The following EML1 variants were observed in gnomAD, a reference collection of about 807,000 sequenced individuals.
The protein encoded by EML1 is EMAP like 1, also known as echinoderm microtubule-associated protein-like 1.
Under a neutral mutation model 110.4 loss-of-function variants are expected in EML1, and 27 were observed. That is an observed-to-expected ratio of 0.24 (90% CI 0.18 to 0.34). The LOEUF is 0.34. Ranked by LOEUF, EML1 falls within the 10% of genes least tolerant of loss-of-function variation. The pLI, the probability that EML1 is intolerant of heterozygous loss-of-function variation, is 1.00. For missense variants in EML1, 741 were observed against 1,030.9 expected (o/e 0.72, Z 3.85); for synonymous variants, 344 against 385.8 (o/e 0.89, Z 1.27).
intron 16 of EML1, among the ~76,000 whole-genome samples, chr14:99,920,585 G>C (rs2060112990): frequency 6.6e-6 from 1 of 152,176 alleles, no homozygotes; most frequent in Admixed American, 6.5e-5. Flanking sequence ...TTGAATGCTA[G>C]CCAATATGCT....
intron 17 of EML1, among the ~76,000 whole-genome samples, chr14:99,927,160 C>CT (rs933607341): frequency 5.3e-5 from 8 of 152,214 alleles, no homozygotes; most frequent in East Asian, 1.9e-4. Context: ...TTTCAATTTA[C>CT]TTTTTTTTAA....
chr14:99,870,377 A>C (rs1190414960), intron 3 of EML1, among the ~76,000 whole-genome samples: 1 of 152,218 alleles, frequency 6.6e-6, no homozygotes, highest in Non-Finnish European at 1.5e-5. Flanking sequence ...CCATAACATA[A>C]AAGTGCAAGG....
chr14:99,897,530 C>T (rs185328645), intron 7 of EML1, among the ~76,000 whole-genome samples: 14 of 152,102 alleles, frequency 9.2e-5, no homozygotes, highest in African/African-American at 3.1e-4. Flanking sequence ...TTTGGGAGAG[C>T]TCTTCTGTGT....
intron 1 of EML1, among the ~76,000 whole-genome samples, chr14:99,824,948 G>T (rs1021732565): frequency 1.3e-5 from 2 of 152,142 alleles, no homozygotes; most frequent in Non-Finnish European, 2.9e-5. Context: ...AAGAAGACAT[G>T]ATTTCATTCT....
chr14:99,760,083 C>CAAAAAAAAAAAAAAAA (rs61619098), intron 1 of EML1, among the ~76,000 whole-genome samples: 1 of 47,132 alleles, frequency 2.1e-5, no homozygotes, highest in African/African-American at 9.8e-5. Flanking sequence ...GACTCCCTCT[C>CAAAAAAAAAAAAAAAA]AAAAAAAAAA....
In EML1 at chr14:99,919,010, A is replaced by G. The variant is rs139273033; in HGVS notation, c.1820+1161A>G. ...GCAGCAGTGTCTTTGAGCCGGTTAC[A>G]TAAGCTCTCTGAATTTGTTTCTTTT... is the stretch of plus-strand genomic sequence containing the variant. On this transcript the variant is annotated intron_variant, in intron 16 of 21. Transcript: ENST00000262233. Among the ~76,000 whole-genome samples the G allele has an allele frequency of 6.5e-3, 995 of 152,250 alleles. 7 individuals are homozygous for G. The highest frequency in any genetic ancestry group is 0.023 in the African/African-American group (942 of 41,556).
intron 1 of EML1, among the ~76,000 whole-genome samples, chr14:99,757,810 G>A (rs1231108362): frequency 6.6e-6 from 1 of 152,176 alleles, no homozygotes; most frequent in Non-Finnish European, 1.5e-5. Flanking sequence ...TAAAATGTGA[G>A]CTTTAAAAAA....
At chr14:99,851,471 C>T (rs1375451428) in intron 2 of EML1, among the ~76,000 whole-genome samples, 1 of 152,124 alleles carries the variant, frequency 6.6e-6, no homozygotes, top group Non-Finnish European at 1.5e-5. Flanking sequence ...CCACGCCCGG[C>T]TTATTTTTTG....
chr14:99,824,256 G>A (rs986854720), intron 1 of EML1, among the ~76,000 whole-genome samples: 2 of 152,168 alleles, frequency 1.3e-5, no homozygotes, highest in African/African-American at 4.8e-5. Context: ...CACCACGCCC[G>A]GCTCCATGCA....
At chr14:99,845,827 G>A (rs2058698259) in intron 1 of EML1, among the ~76,000 whole-genome samples, 1 of 152,024 alleles carries the variant, frequency 6.6e-6, no homozygotes, top group Non-Finnish European at 1.5e-5. Flanking sequence ...GAGGTGGTTG[G>A]ATCACCTGAG....
At chr14:99,911,882 CTTTTTCTT>C (rs552964034) in intron 13 of EML1, among the ~76,000 whole-genome samples, 62 of 151,054 alleles carry the variant, frequency 4.1e-4, no homozygotes, top group African/African-American at 1.5e-3. Context: ...TTAACTTTTT[CTTTTTCTT>C]TTTTTCTTTC....
chr14:99,937,772 G>A (rs1022084512), intron 19 of EML1, 45 bp from the exon 20 acceptor site: 3 of 1,573,242 alleles, frequency 1.9e-6, no homozygotes, highest in Non-Finnish European at 2.6e-6. Flanking sequence ...TAGGGGAGGG[G>A]TGGGGCCTTG....
At chr14:99,894,125 T>C (rs1230855196) in intron 5 of EML1, among the ~76,000 whole-genome samples, 1 of 152,206 alleles carries the variant, frequency 6.6e-6, no homozygotes, top group African/African-American at 2.4e-5. Context: ...GATTTTGTGT[T>C]CTTTACACTT....
chr14:99,839,408 A>G (rs1193418037), intron 1 of EML1, among the ~76,000 whole-genome samples: 1 of 152,176 alleles, frequency 6.6e-6, no homozygotes, highest in Non-Finnish European at 1.5e-5. Flanking sequence ...TGGATTGGGA[A>G]GATCGCATTG....
At chr14:99,789,688 T>C (rs925085083), upstream of EML1, among the ~76,000 whole-genome samples, 4 of 152,228 alleles carry the variant, frequency 2.6e-5, no homozygotes, top group Non-Finnish European at 4.4e-5. Context: ...GCTGCACATT[T>C]CTGGGTGATT....
At chr14:99,812,726 G>A (rs1368364414) in intron 1 of EML1, among the ~76,000 whole-genome samples, 1 of 152,112 alleles carries the variant, frequency 6.6e-6, no homozygotes, top group Non-Finnish European at 1.5e-5. Flanking sequence ...CAGGGGTCAA[G>A]GAAATAATAA....
chr14:99,920,245 C>T (rs1363107836), intron 16 of EML1, among the ~76,000 whole-genome samples: 1 of 152,192 alleles, frequency 6.6e-6, no homozygotes, highest in Non-Finnish European at 1.5e-5. Flanking sequence ...GTCCTCCACT[C>T]CAATTTCTCC....
chr14:99,799,999 T>C (rs2057846006), intron 1 of EML1, among the ~76,000 whole-genome samples: 1 of 152,218 alleles, frequency 6.6e-6, no homozygotes, highest in Non-Finnish European at 1.5e-5. Context: ...GGAACAACTA[T>C]TCATCCTTAA....
At chr14:99,794,356 A>G (rs1262484392) in intron 1 of EML1, among the ~76,000 whole-genome samples, 1 of 147,564 alleles carries the variant, frequency 6.8e-6, no homozygotes, top group Non-Finnish European at 1.5e-5. Flanking sequence ...TTTTTTTTAC[A>G]TGTTGGATTT....
Sources: gnomAD v4.1 joint callset for allele counts (sites outside exome capture counted in the v4.1 genomes callset) on GRCh38, gnomAD v4.1.1 for gene constraint, MANE v1.5 for transcripts, NCBI Gene and HGNC (gene_info 2026-07-23, HGNC 2026-07-21) for gene names.